Variants in CDH5 observed in about 807,000 individuals in gnomAD.
CDH5 encodes cadherin-5.
In CDH5, 28 loss-of-function variants were observed where a neutral mutation model predicts 62.0. The ratio of observed to expected loss-of-function variants is 0.45; its 90% CI spans 0.33 to 0.62. The LOEUF (loss-of-function observed/expected upper bound fraction) is 0.62. Ranked by LOEUF, CDH5 falls within the 20% of genes least tolerant of loss-of-function variation. The pLI is 0.02. For synonymous variants in CDH5, 464 were observed against 445.8 expected, an observed-to-expected ratio of 1.04 and a Z score of -0.52; for missense variants, 940 against 1,065.1, an observed-to-expected ratio of 0.88 and a Z score of 1.63.
At chr16:66,397,678 T>C (rs1186842491) in intron 8 of CDH5, among the ~76,000 whole-genome samples, 1 of 152,248 alleles carries the variant, frequency 6.6e-6, no homozygotes, top group Non-Finnish European at 1.5e-5. Context: ...TTATGTTTTA[T>C]GTATTTAATC....
In CDH5 at chr16:66,375,342, G is replaced by A. The variant is rs146312984; in HGVS notation, c.-19-3977G>A. 1.8e-3 allele frequency among the ~76,000 whole-genome samples: 271 copies of A among 151,914 alleles called. 2 individuals carry two copies. The highest frequency in any genetic ancestry group is 6.3e-3 in the African/African-American group (260 of 41,404). ...GCAGGAGTTCAAGACCAGCTTGGGCGATATAGTCAAACCCCTCCACCCCAA... is the reference window on the plus strand; with the variant it reads ...GCAGGAGTTCAAGACCAGCTTGGGCAATATAGTCAAACCCCTCCACCCCAA... On this transcript the variant is annotated intron_variant, in intron 1 of 11. Coordinates refer to ENST00000341529, the MANE Select transcript of CDH5 (RefSeq NM_001795.5).
At chr16:66,381,228 G>A (rs527609935) in intron 2 of CDH5, among the ~76,000 whole-genome samples, 3 of 152,136 alleles carry the variant, frequency 2.0e-5, no homozygotes, top group Admixed American at 2.0e-4. Flanking sequence ...ACCCCACACA[G>A]CTCCCCATAT....
chr16:66,387,450 C>T (rs1375384658), intron 3 of CDH5, among the ~76,000 whole-genome samples: 3 of 152,310 alleles, frequency 2.0e-5, no homozygotes, highest in South Asian at 2.1e-4. Flanking sequence ...TGATCCTGAT[C>T]GTGGACTGAG....
At chr16:66,384,490 T>C (rs1229811089) in intron 2 of CDH5, among the ~76,000 whole-genome samples, 1 of 151,834 alleles carries the variant, frequency 6.6e-6, no homozygotes, top group Non-Finnish European at 1.5e-5. Context: ...CAGTAGCTCA[T>C]GCCTGTAATC....
intron 7 of CDH5, 154 bp from the exon 8 acceptor site, chr16:66,395,905 A>G (rs6499079): frequency 1 from 685,204 of 686,496 alleles, 341,957 homozygotes; most frequent in African/African-American, 1. Context: ...GTGTAGGTCC[A>G]CTCTTGTCTG....
chr16:66,374,632 C>T (rs1271140081), intron 1 of CDH5, among the ~76,000 whole-genome samples: 5 of 151,604 alleles, frequency 3.3e-5, no homozygotes, highest in African/African-American at 9.7e-5. Flanking sequence ...CCACGTGGTC[C>T]GAGCCTGTGA....
chr16:66,393,087 A>G (rs1396081093), intron 7 of CDH5: 2 of 152,278 alleles, frequency 1.3e-5, no homozygotes, highest in East Asian at 3.8e-4. Context: ...TACTTTTTAG[A>G]GCCATATAAT....
intron 1 of CDH5, among the ~76,000 whole-genome samples, chr16:66,372,573 C>G (rs1567459430): frequency 6.6e-6 from 1 of 152,288 alleles, no homozygotes; most frequent in East Asian, 1.9e-4. Context: ...GCCGCAGGAG[C>G]CCCAACCTTT....
chr16:66,394,900 GAGTGC>G (rs1350832056), intron 7 of CDH5, among the ~76,000 whole-genome samples: 3 of 151,664 alleles, frequency 2.0e-5, no homozygotes, highest in Non-Finnish European at 4.4e-5. Context: ...ACCCAGGCTA[GAGTGC>G]AGTGGCACAA....
At chr16:66,368,731 A>G (rs188616717) in intron 1 of CDH5, among the ~76,000 whole-genome samples, 154 of 152,278 alleles carry the variant, frequency 1.0e-3, no homozygotes, top group African/African-American at 3.6e-3. Flanking sequence ...AGGTCACACA[A>G]CCAACACAAG....
At chr16:66,366,894 C>T (rs1222776882) in intron 1 of CDH5, 136 bp downstream of exon 1, 1 of 152,350 alleles carries the variant, frequency 6.6e-6, no homozygotes, top group Non-Finnish European at 1.5e-5. Context: ...CGAGGGCACG[C>T]TGGGCCTCCT....
chr16:66,400,720 C>T (rs1370107884), intron 10 of CDH5, 51 bp from the exon 11 acceptor site: 1 of 1,610,532 alleles, frequency 6.2e-7, no homozygotes, highest in Non-Finnish European at 8.5e-7. Context: ...AGCCAGGTTT[C>T]CCCATCTGTG....
chr16:66,395,897 G>A, intron 7 of CDH5, 162 bp from the exon 8 acceptor site: 2 of 646,228 alleles, frequency 3.1e-6, no homozygotes, highest in Non-Finnish European at 5.3e-6. Flanking sequence ...ATCCCTCTGT[G>A]TAGGTCCACT....
At chr16:66,397,490 A>G (rs1244524118) in intron 8 of CDH5, among the ~76,000 whole-genome samples, 1 of 152,050 alleles carries the variant, frequency 6.6e-6, no homozygotes, top group Non-Finnish European at 1.5e-5. Flanking sequence ...TCAAAGTATG[A>G]AATTACAGGG....
chr16:66,396,321 C>T (rs1337656907), intron 8 of CDH5, 120 bp downstream of exon 8: 9 of 1,239,748 alleles, frequency 7.3e-6, no homozygotes, highest in African/African-American at 6.0e-5. Flanking sequence ...CTGAAGCACC[C>T]GCTGGTTGGG....
chr16:66,390,641 C>A (rs771911010), intron 6 of CDH5, 51 bp downstream of exon 6: 4 of 1,548,494 alleles, frequency 2.6e-6, no homozygotes, highest in Admixed American at 3.4e-5. Flanking sequence ...GGGCTCTTGG[C>A]ACCCACAGGT....
Position 66,381,739 on chromosome 16 carries a change from C to T in CDH5, c.210+2192C>T, listed in dbSNP as rs1005736415. Among the ~76,000 whole-genome samples, 10 of 152,284 alleles carry T rather than the reference C, an allele frequency of 6.6e-5. No homozygotes were observed. The East Asian group carries it at 1.2e-3, about 18-fold the overall frequency. On this transcript the variant is annotated intron_variant, in intron 2 of 11. Coordinates refer to ENST00000341529, the MANE Select transcript of CDH5 (RefSeq NM_001795.5). Reference sequence around the variant, plus strand: ...GCAAGGATCAGCAAACTACCCCCTGCGGGCCCAATCCAGCCCACTGCCTGG... The same window carrying T: ...GCAAGGATCAGCAAACTACCCCCTGTGGGCCCAATCCAGCCCACTGCCTGG...
At chr16:66,395,970 C>T (rs1336251991) in intron 7 of CDH5, 89 bp from the exon 8 acceptor site, 2 of 1,354,890 alleles carry the variant, frequency 1.5e-6, no homozygotes, top group Non-Finnish European at 2.0e-6. Flanking sequence ...ATGCAGGGGA[C>T]AGATGCAGAA....
intron 4 of CDH5, 60 bp from the exon 5 acceptor site, chr16:66,389,298 C>T: frequency 3.2e-6 from 5 of 1,542,032 alleles, no homozygotes; most frequent in Non-Finnish European, 4.4e-6. Context: ...TGGGCAGGCC[C>T]TAGGCATCGG....
Sources: allele counts gnomAD v4.1 joint callset (sites outside exome capture counted in the v4.1 genomes callset), GRCh38; gene constraint gnomAD v4.1.1; transcripts MANE v1.5; gene names NCBI Gene and HGNC (gene_info 2026-07-23, HGNC 2026-07-21).